The following CIMAP1C variants were observed in gnomAD, a reference collection of about 807,000 sequenced individuals.
CIMAP1C encodes outer dense fiber of sperm tails 3 like 1.
At chr15:75,725,121 C>A in the CIMAP1C span, 1 of 1,613,854 alleles carries the variant, frequency 6.2e-7, no homozygotes, top group Non-Finnish European at 8.5e-7. Flanking sequence ...CGGGGCCCGC[C>A]AAGTACCTCC....
At chr15:75,726,991 G>A in the CIMAP1C span, 2 of 1,551,760 alleles carry the variant, frequency 1.3e-6, no homozygotes, top group Non-Finnish European at 8.7e-7. Context: ...AGGACCATCA[G>A]TTGGCTAGCA....
chr15:75,727,639 C>A, the CIMAP1C span: 2 of 1,171,128 alleles, frequency 1.7e-6, no homozygotes, highest in Non-Finnish European at 2.4e-6. Flanking sequence ...AGAGCCGGTA[C>A]CTGCTGAGTG....
chr15:75,726,178 T>G, the CIMAP1C span: 5 of 1,307,836 alleles, frequency 3.8e-6, no homozygotes, highest in East Asian at 3.2e-5. Context: ...CTGCGTAAGA[T>G]GGGGTTATGG....
chr15:75,724,393 GC>G, the CIMAP1C span: 1 of 997,436 alleles, frequency 1.0e-6, no homozygotes, highest in Non-Finnish European at 1.6e-6. Context: ...CTCCTGCAAA[GC>G]CCCTTCCAAC....
the CIMAP1C span, chr15:75,727,248 C>T: frequency 1.9e-6 from 3 of 1,614,196 alleles, no homozygotes; most frequent in Non-Finnish European, 2.5e-6. Flanking sequence ...CGAGCTGCTC[C>T]CTGCTACAGT....
chr15:75,724,496 G>A, the CIMAP1C span, among the ~76,000 whole-genome samples: 1 of 152,252 alleles, frequency 6.6e-6, no homozygotes, highest in Non-Finnish European at 1.5e-5. Context: ...TGGGGGAGGA[G>A]GGGAGCATGG....
the CIMAP1C span, among the ~76,000 whole-genome samples, chr15:75,726,686 G>A: frequency 6.6e-6 from 1 of 151,990 alleles, no homozygotes. Flanking sequence ...CGTGATCTCG[G>A]CTCACTGCAA....
At chr15:75,724,291 C>T in the CIMAP1C span, 12 of 1,613,622 alleles carry the variant, frequency 7.4e-6, no homozygotes, top group African/African-American at 8.0e-5. Flanking sequence ...GTCAAGCAGA[C>T]CCCTGTCATC....
the CIMAP1C span, chr15:75,725,959 G>T: frequency 1.4e-6 from 1 of 709,518 alleles, no homozygotes; most frequent in Non-Finnish European, 2.4e-6. Context: ...AGGAGCCACA[G>T]AATCTGAAGT....
chr15:75,725,639 G>A, the CIMAP1C span, among the ~76,000 whole-genome samples: 1 of 152,270 alleles, frequency 6.6e-6, no homozygotes, highest in Non-Finnish European at 1.5e-5. Flanking sequence ...GATGACCTAT[G>A]CTGCTGGGCA....
the CIMAP1C span, chr15:75,725,325 C>A: frequency 1.1e-6 from 1 of 906,550 alleles, no homozygotes; most frequent in Non-Finnish European, 1.8e-6. Flanking sequence ...CTGAGACACT[C>A]AAGGGGCCCC....
At chr15:75,726,450 C>T in the CIMAP1C span, among the ~76,000 whole-genome samples, 116 of 152,270 alleles carry the variant, frequency 7.6e-4, 1 homozygote, top group Admixed American at 1.6e-3. Context: ...CTGTAGTGAT[C>T]TCAGAATGTT....
At chr15:75,726,571 T>A in the CIMAP1C span, among the ~76,000 whole-genome samples, 1 of 152,168 alleles carries the variant, frequency 6.6e-6, no homozygotes, top group South Asian at 2.1e-4. Context: ...ATGACCACTG[T>A]GTTGCCATCC....
the CIMAP1C span, chr15:75,727,235 A>G: frequency 6.2e-7 from 1 of 1,614,158 alleles, no homozygotes; most frequent in East Asian, 2.2e-5. Flanking sequence ...CACCCCTGTC[A>G]GCCGAGCTGC....
the CIMAP1C span, chr15:75,727,637 T>C: frequency 8.2e-7 from 1 of 1,213,062 alleles, no homozygotes; most frequent in African/African-American, 1.5e-5. Flanking sequence ...GCAGAGCCGG[T>C]ACCTGCTGAG....
At chr15:75,726,185 A>C in the CIMAP1C span, 2 of 771,530 alleles carry the variant, frequency 2.6e-6, no homozygotes, top group Non-Finnish European at 4.3e-6. Context: ...AGATGGGGTT[A>C]TGGACAGATG....
chr15:75,727,034 C>T, the CIMAP1C span: 2 of 1,599,058 alleles, frequency 1.3e-6, no homozygotes, highest in Middle Eastern at 1.7e-4. Context: ...TCTGAGAGCC[C>T]TCCCTTCCCG....
the CIMAP1C span, chr15:75,724,960 G>A: frequency 1.5e-5 from 9 of 588,534 alleles, no homozygotes; most frequent in Non-Finnish European, 2.1e-5. Flanking sequence ...TCCCCCAAAC[G>A]AAGCAGCTGG....
At chr15:75,724,385 C>A in the CIMAP1C span, 2 of 1,045,122 alleles carry the variant, frequency 1.9e-6, no homozygotes, top group Non-Finnish European at 3.0e-6. Flanking sequence ...CAGCCTGCCT[C>A]CTGCAAAGCC....
Sources: allele counts gnomAD v4.1 joint callset (sites outside exome capture counted in the v4.1 genomes callset), GRCh38; gene constraint gnomAD v4.1.1; transcripts MANE v1.5; gene names NCBI Gene and HGNC (gene_info 2026-07-23, HGNC 2026-07-21).